ARHGEF10L: variants seen among roughly 807,000 people sequenced by gnomAD.
The protein encoded by ARHGEF10L is rho guanine nucleotide exchange factor 10-like protein.
Under a neutral mutation model 141.2 loss-of-function variants are expected in ARHGEF10L, and 69 were observed. That is an observed-to-expected ratio of 0.49 (90% CI 0.40 to 0.60). The LOEUF is 0.60. Among genes scored for constraint, ARHGEF10L ranks in the 20% least tolerant of loss-of-function variants. ARHGEF10L has a pLI of 0.00. For synonymous variants in ARHGEF10L, 711 were observed against 718.5 expected, an observed-to-expected ratio of 0.99 and a Z score of 0.17; for missense variants, 1,482 against 1,734.3, an observed-to-expected ratio of 0.85 and a Z score of 2.58.
In ARHGEF10L at chr1:17,586,706, C is replaced by T. The variant is rs59743085; in HGVS notation, c.38-754C>T. On this transcript the variant is annotated intron_variant, in intron 2 of 28. Transcript: ENST00000361221. ...GGTGAGATGTCTGCTCTCAGGGATCCGAGCTTGGTGGGGAGTACAAACAAG... is the reference window on the plus strand; with the variant it reads ...GGTGAGATGTCTGCTCTCAGGGATCTGAGCTTGGTGGGGAGTACAAACAAG... 7.2e-3 allele frequency among the ~76,000 whole-genome samples: 1,101 copies of T among 152,186 alleles called. 13 individuals are homozygous for T. Among genetic ancestry groups the T allele is most frequent in the African/African-American group, 0.025 (1,028 of 41,520 alleles).
At chr1:17,581,805 C>T (rs941941176) in intron 2 of ARHGEF10L, among the ~76,000 whole-genome samples, 1 of 151,408 alleles carries the variant, frequency 6.6e-6, no homozygotes, top group African/African-American at 2.4e-5. Context: ...GCAGGACAGA[C>T]AGCGTGTGCC....
intron 8 of ARHGEF10L, among the ~76,000 whole-genome samples, chr1:17,614,800 G>C (rs946283340): frequency 1.3e-5 from 2 of 152,178 alleles, no homozygotes; most frequent in Admixed American, 6.5e-5. Flanking sequence ...CAGAAAGTCA[G>C]CCTTGTTCCT....
At chr1:17,650,096 G>A (rs2061828904) in intron 22 of ARHGEF10L, among the ~76,000 whole-genome samples, 1 of 152,134 alleles carries the variant, frequency 6.6e-6, no homozygotes, top group South Asian at 2.1e-4. Context: ...GCTGGTGTGT[G>A]AGAGTGAATT....
chr1:17,597,886 T>A (rs2080269946), intron 4 of ARHGEF10L, among the ~76,000 whole-genome samples: 1 of 152,220 alleles, frequency 6.6e-6, no homozygotes. Context: ...TGAAGTTGCC[T>A]GACCTCACCC....
chr1:17,602,352 T>C (rs1045783178), intron 5 of ARHGEF10L, 134 bp downstream of exon 5: 1 of 1,027,732 alleles, frequency 9.7e-7, no homozygotes, highest in Admixed American at 2.6e-5. Context: ...TCTGTGGCCC[T>C]GGAGGACCAA....
intron 1 of ARHGEF10L, among the ~76,000 whole-genome samples, chr1:17,552,571 GTTTTTTTTTTTTTTTTTTT>G (rs34766409): frequency 1.6e-4 from 7 of 44,916 alleles, no homozygotes; most frequent in Non-Finnish European, 1.5e-4. Context: ...GCTAATTTTC[GTTTTTTTTTTTTTTTTTTT>G]TTTTTTTTTT....
intron 10 of ARHGEF10L, among the ~76,000 whole-genome samples, chr1:17,620,024 A>G (rs999235911): frequency 3.3e-5 from 5 of 152,070 alleles, no homozygotes; most frequent in African/African-American, 4.8e-5. Context: ...CCCCATCTCT[A>G]CTAAAAATAC....
chr1:17,545,783 C>T (rs1420787138), intron 1 of ARHGEF10L, among the ~76,000 whole-genome samples: 1 of 152,136 alleles, frequency 6.6e-6, no homozygotes, highest in Non-Finnish European at 1.5e-5. Flanking sequence ...GGAAGATGGA[C>T]ATGTGCACAT....
intron 25 of ARHGEF10L, among the ~76,000 whole-genome samples, chr1:17,661,701 G>A (rs1358476616): frequency 6.6e-6 from 1 of 152,200 alleles, no homozygotes; most frequent in African/African-American, 2.4e-5. Flanking sequence ...CTCAGCCATA[G>A]CAGCCTAATT....
At chr1:17,597,818 C>T (rs1199211308) in intron 4 of ARHGEF10L, among the ~76,000 whole-genome samples, 1 of 152,194 alleles carries the variant, frequency 6.6e-6, no homozygotes, top group Non-Finnish European at 1.5e-5. Flanking sequence ...TAAGGTGCAG[C>T]GAGGAGGAGC....
chr1:17,595,818 C>T (rs536096228), intron 4 of ARHGEF10L, among the ~76,000 whole-genome samples: 4 of 152,158 alleles, frequency 2.6e-5, no homozygotes, highest in Admixed American at 6.5e-5. Context: ...TTATTTACTC[C>T]GTACCAGAAC....
upstream of ARHGEF10L, among the ~76,000 whole-genome samples, chr1:17,536,192 A>T (rs1298028121): frequency 6.6e-6 from 1 of 152,214 alleles, no homozygotes; most frequent in African/African-American, 2.4e-5. Context: ...TAGAGTGTGC[A>T]GCTGGGGCAG....
intron 27 of ARHGEF10L, among the ~76,000 whole-genome samples, chr1:17,691,715 ATG>A (rs1038662653): frequency 2.0e-5 from 3 of 151,810 alleles, no homozygotes; most frequent in African/African-American, 7.2e-5. Context: ...GTATATATAT[ATG>A]TGTGTATATA....
intron 1 of ARHGEF10L, among the ~76,000 whole-genome samples, chr1:17,567,421 C>T (rs1323034932): frequency 6.6e-6 from 1 of 152,148 alleles, no homozygotes; most frequent in Non-Finnish European, 1.5e-5. Flanking sequence ...GGCTGGAGTA[C>T]AATGGCGCGA....
intron 4 of ARHGEF10L, among the ~76,000 whole-genome samples, chr1:17,589,103 T>C (rs1307631562): frequency 6.6e-6 from 1 of 152,146 alleles, no homozygotes; most frequent in Admixed American, 6.5e-5. Flanking sequence ...GGCCTGCGTC[T>C]TGGCTGTGGC....
At chr1:17,652,628 G>A (rs1245765797) in intron 22 of ARHGEF10L, among the ~76,000 whole-genome samples, 3 of 152,088 alleles carry the variant, frequency 2.0e-5, no homozygotes, top group African/African-American at 4.8e-5. Context: ...TGACTACTAC[G>A]GTGTCGAAGG....
chr1:17,651,691 G>T (rs3766311), intron 22 of ARHGEF10L, among the ~76,000 whole-genome samples: 1 of 152,138 alleles, frequency 6.6e-6, no homozygotes, highest in Non-Finnish European at 1.5e-5. Flanking sequence ...TCAGGGCCCA[G>T]GAATATGTAG....
chr1:17,651,181 C>A (rs2061908081), intron 22 of ARHGEF10L, among the ~76,000 whole-genome samples: 1 of 152,088 alleles, frequency 6.6e-6, no homozygotes, highest in African/African-American at 2.4e-5. Flanking sequence ...GTTTTTGGTG[C>A]CCTTTTAAAT....
Position 17,621,391 on chromosome 1 carries a change from C to A in ARHGEF10L, c.943-473C>A, listed in dbSNP as rs1261494853. On this transcript the variant is annotated intron_variant, in intron 10 of 28. Transcript: ENST00000361221. The surrounding 1 kb of genome is among the most constrained non-coding windows in gnomAD (Gnocchi z 4.1). ...GGGACTATAGGCGCGTGCCACCACG[C>A]CCAGCTGATTTTTGTATTTTTACTA... is the stretch of plus-strand genomic sequence containing the variant. 6.6e-6 allele frequency among the ~76,000 whole-genome samples: 1 copy of A among 152,094 alleles called. No homozygotes were observed. The highest frequency in any genetic ancestry group is 1.5e-5 in the Non-Finnish European group (1 of 68,006).
Sources: gnomAD v4.1 joint callset for allele counts (sites outside exome capture counted in the v4.1 genomes callset) on GRCh38, gnomAD v4.1.1 for gene constraint, Gnocchi (gnomAD v3.1) non-coding constraint, MANE v1.5 for transcripts, NCBI Gene and HGNC (gene_info 2026-07-23, HGNC 2026-07-21) for gene names.